The following ZNF169 variants were observed in gnomAD, a reference collection of about 807,000 sequenced individuals.
ZNF169 encodes the protein zinc finger protein 169.
A neutral mutation model predicts 12.0 loss-of-function variants in ZNF169; 11 were observed. The observed-to-expected ratio is 0.92, with a 90% CI of 0.58 to 1.52. The LOEUF (loss-of-function observed/expected upper bound fraction) is 1.52, where lower values mean the gene tolerates loss of function less well. Among genes scored for constraint, ZNF169 ranks in the 40% most tolerant of loss-of-function variants. ZNF169 has a pLI of 0.00. For missense variants in ZNF169, 722 were observed against 744.0 expected (o/e 0.97, Z 0.34); for synonymous variants, 302 against 286.5 (o/e 1.05, Z -0.55).
chr9:94,264,247 C>T (rs962173115), intron 1 of ZNF169, among the ~76,000 whole-genome samples: 8 of 152,190 alleles, frequency 5.3e-5, no homozygotes, highest in African/African-American at 1.9e-4. Flanking sequence ...AGCGCTTCTC[C>T]TGTCTCAGCT....
At chr9:94,281,091 A>G (rs113657042) in intron 2 of ZNF169, among the ~76,000 whole-genome samples, 13 of 152,372 alleles carry the variant, frequency 8.5e-5, no homozygotes, top group African/African-American at 3.1e-4. Context: ...ATTGATGAAA[A>G]GATATAAGCA....
intron 1 of ZNF169, among the ~76,000 whole-genome samples, chr9:94,260,068 C>G (rs141909368): frequency 2.0e-5 from 3 of 150,906 alleles, no homozygotes; most frequent in African/African-American, 7.3e-5. Context: ...CCCGCCACCA[C>G]GCCCGGCTAA....
chr9:94,298,904 A>T (rs1587690256), intron 4 of ZNF169, among the ~76,000 whole-genome samples: 1 of 152,154 alleles, frequency 6.6e-6, no homozygotes, highest in African/African-American at 2.4e-5. Flanking sequence ...TTTTTGAAAA[A>T]GTCAATTTGT....
At chr9:94,271,755 G>C (rs1830428922) in intron 1 of ZNF169, among the ~76,000 whole-genome samples, 1 of 150,200 alleles carries the variant, frequency 6.7e-6, no homozygotes, top group Non-Finnish European at 1.5e-5. Flanking sequence ...AACTAACGTT[G>C]CATTTCTTGG....
At position 94,292,207 on chromosome 9, in the gene ZNF169, T is replaced by G. The variant is rs1216774256; in HGVS notation, c.34-134T>G. Reference sequence around the variant, plus strand: ...TGAATATATGGAACCAGGTTTCAGGTTAAAAGCAGGATCTGTAAATCTCAC... The same window carrying G: ...TGAATATATGGAACCAGGTTTCAGGGTAAAAGCAGGATCTGTAAATCTCAC... On this transcript the variant is annotated intron_variant, in intron 2 of 4. Transcript: ENST00000395395. 2.7e-6 allele frequency: 4 copies of G among 1,470,722 alleles called. No individual in the cohort carries two copies. In the Admixed American group the frequency reaches 7.1e-5, roughly 26 times the overall value. The allele number at this position is 1,470,722 out of a possible 1,614,324, so 91.1% of individuals were successfully genotyped here.
chr9:94,271,879 G>T (rs1336965109), intron 1 of ZNF169, among the ~76,000 whole-genome samples: 1 of 152,030 alleles, frequency 6.6e-6, no homozygotes, highest in Admixed American at 6.6e-5. Context: ...TTTGGTGTCT[G>T]GATTATGTTG....
chr9:94,272,807 C>T (rs1226798554), intron 1 of ZNF169, among the ~76,000 whole-genome samples: 1 of 152,094 alleles, frequency 6.6e-6, no homozygotes, highest in African/African-American at 2.4e-5. Flanking sequence ...TCTGTAGTGG[C>T]TACACCATTT....
At chr9:94,268,480 A>G (rs908536100) in intron 1 of ZNF169, among the ~76,000 whole-genome samples, 2 of 152,118 alleles carry the variant, frequency 1.3e-5, no homozygotes, top group African/African-American at 4.8e-5. Context: ...GCCCAATTTC[A>G]TCTTTACATT....
At chr9:94,294,837 G>T (rs1488229372) in intron 4 of ZNF169, 8 of 152,234 alleles carry the variant, frequency 5.3e-5, no homozygotes, top group Non-Finnish European at 1.0e-4. Context: ...AAACATTTAG[G>T]TCTTTAACTG....
At chr9:94,293,262 C>T (rs1483430253) in intron 4 of ZNF169, 193 bp downstream of exon 4, 5 of 608,636 alleles carry the variant, frequency 8.2e-6, no homozygotes, top group Non-Finnish European at 1.5e-5. Context: ...CCCTGGCATT[C>T]CATCTCCTTC....
At chr9:94,267,112 G>C (rs1830308482) in intron 1 of ZNF169, among the ~76,000 whole-genome samples, 1 of 152,014 alleles carries the variant, frequency 6.6e-6, no homozygotes, top group Non-Finnish European at 1.5e-5. Flanking sequence ...ATGGAACTTT[G>C]TTTCATAGAA....
intron 2 of ZNF169, among the ~76,000 whole-genome samples, chr9:94,290,517 T>G (rs1201074768): frequency 6.6e-6 from 1 of 152,208 alleles, no homozygotes; most frequent in Non-Finnish European, 1.5e-5. Context: ...TGTGACTGGC[T>G]TATGTCACTT....
chr9:94,301,541 A>G lies in ZNF169; in HGVS notation c.*171A>G, dbSNP rs989951475. 5 of 1,225,500 alleles carry G rather than the reference A, an allele frequency of 4.1e-6. No homozygotes were observed. The African/African-American group carries it at 6.1e-5, about 15-fold the overall frequency. The allele number at this position is 1,225,500 out of a possible 1,614,324, so 75.9% of individuals were successfully genotyped here. A position where few individuals can be genotyped will look rare whatever the true frequency, so the allele number is the denominator to read the frequency against. ...TTTGTCTTGGCTTGCTAGGGGTTCC[A>G]TAACAAAGTACCCCAGGCTGGGTGA... On this transcript the variant is annotated 3_prime_UTR_variant, in exon 5 of 5. Transcript: ENST00000395395.
intron 2 of ZNF169, among the ~76,000 whole-genome samples, chr9:94,291,342 G>A (rs1830829521): frequency 6.6e-6 from 1 of 152,066 alleles, no homozygotes; most frequent in East Asian, 1.9e-4. Flanking sequence ...GTGAGCCATT[G>A]CATCTGGCCA....
chr9:94,268,200 C>T (rs1830327727), intron 1 of ZNF169, among the ~76,000 whole-genome samples: 1 of 151,958 alleles, frequency 6.6e-6, no homozygotes, highest in Non-Finnish European at 1.5e-5. Flanking sequence ...AGGACTGAAA[C>T]AAGACAATTG....
intron 4 of ZNF169, chr9:94,293,333 C>G: frequency 1.7e-6 from 1 of 592,454 alleles, no homozygotes; most frequent in East Asian, 2.8e-5. Context: ...CAGGATTTCT[C>G]CATTCTTGGG....
intron 2 of ZNF169, chr9:94,288,263 G>T: frequency 1.2e-6 from 1 of 805,564 alleles, no homozygotes; most frequent in Non-Finnish European, 2.2e-6. Flanking sequence ...TTGAAGGTCA[G>T]CTTCAGTTCA....
At chr9:94,293,133 G>A (rs762023018) in intron 4 of ZNF169, 64 bp downstream of exon 4, 4 of 1,429,084 alleles carry the variant, frequency 2.8e-6, no homozygotes, top group Non-Finnish European at 3.9e-6. Flanking sequence ...GGTAAGGAAG[G>A]AGGGGCTATC....
chr9:94,300,291 C>T lies in ZNF169; in HGVS notation c.733C>T (p.Gln245Ter), dbSNP rs746638040. 1 of 1,614,180 alleles carries T rather than the reference C, an allele frequency of 6.2e-7. No homozygotes were observed. The highest frequency in any genetic ancestry group is 2.2e-5 in the East Asian group (1 of 44,880). Residue 245 changes from glutamine (Q) to a stop codon, truncating the protein, a stop_gained, in exon 5 of 5, where the codon CAG (glutamine) becomes TAG (stop). Coordinates refer to ENST00000395395, the MANE Select transcript of ZNF169 (RefSeq NM_194320.4). LOFTEE classifies it low-confidence loss of function (END_TRUNC). ...VCPECGRGFC[Q>*]RSDLIKHQRT... is the part of the protein sequence containing the mutation. ...CCCTGAATGCGGGAGAGGCTTTTGC[C>T]AGAGATCAGACCTTATCAAGCACCA...
Sources: gnomAD v4.1 joint callset for allele counts (sites outside exome capture counted in the v4.1 genomes callset) on GRCh38, gnomAD v4.1.1 for gene constraint, MANE v1.5 for transcripts, NCBI Gene and HGNC (gene_info 2026-07-23, HGNC 2026-07-21) for gene names.